The following SPTLC2 variants were observed in gnomAD, a reference collection of about 807,000 sequenced individuals.
The protein encoded by SPTLC2 is serine palmitoyltransferase long chain base subunit 2.
Under a neutral mutation model 62.0 loss-of-function variants are expected in SPTLC2, and 21 were observed. The observed-to-expected ratio is 0.34, with a 90% CI of 0.24 to 0.49. SPTLC2 has a LOEUF of 0.49. Ranked by LOEUF, SPTLC2 falls within the 20% of genes least tolerant of loss-of-function variation. The probability of loss-of-function intolerance (pLI) is 0.99; values close to 1 mark genes in which losing one functional copy is unlikely to be tolerated. For synonymous variants in SPTLC2, 261 were observed against 261.8 expected, an observed-to-expected ratio of 1.00 and a Z score of 0.03; for missense variants, 511 against 713.0, an observed-to-expected ratio of 0.72 and a Z score of 3.23.
At chr14:77,606,097 C>A (rs1013143858) in intron 1 of SPTLC2, among the ~76,000 whole-genome samples, 1 of 152,180 alleles carries the variant, frequency 6.6e-6, no homozygotes, top group Non-Finnish European at 1.5e-5. Flanking sequence ...TTTGGGAGGC[C>A]GAGGCAGGCT....
chr14:77,528,037 G>C (rs1331489748), intron 9 of SPTLC2, among the ~76,000 whole-genome samples: 2 of 152,184 alleles, frequency 1.3e-5, no homozygotes, highest in African/African-American at 4.8e-5. Context: ...TTCAGCCAGA[G>C]TTGATCTCCT....
chr14:77,587,759 AAATAATAAT>A (rs59005485), intron 2 of SPTLC2, among the ~76,000 whole-genome samples: 14 of 145,100 alleles, frequency 9.6e-5, no homozygotes, highest in African/African-American at 3.3e-4. Context: ...CTCTGTCTCA[AAATAATAAT>A]AATAATAATA....
chr14:77,562,739 C>T lies in SPTLC2; in HGVS notation c.757-250G>A, dbSNP rs926115. 0.96 allele frequency among the ~76,000 whole-genome samples: 146,377 copies of T among 152,326 alleles called. 70,600 individuals carry two copies. The highest frequency in any genetic ancestry group is 1 in the Middle Eastern group (294 of 294). On this transcript the variant is annotated intron_variant, in intron 5 of 11. Coordinates refer to ENST00000216484, the MANE Select transcript of SPTLC2 (RefSeq NM_004863.4). ...TTCAGTCCCATGACTGATGTAAATA[C>T]TCAGATATATGGCAACAGGTCTTTA...
chr14:77,589,977 CAAAA>C (rs760780304), intron 2 of SPTLC2, among the ~76,000 whole-genome samples: 7 of 120,696 alleles, frequency 5.8e-5, no homozygotes, highest in East Asian at 2.5e-4. Flanking sequence ...GACCCTGTCT[CAAAA>C]AAAAAAAAAA....
At chr14:77,527,279 G>C (rs936066116) in intron 9 of SPTLC2, among the ~76,000 whole-genome samples, 3 of 152,078 alleles carry the variant, frequency 2.0e-5, no homozygotes, top group East Asian at 3.9e-4. Flanking sequence ...TGTATTTTTA[G>C]TAGAGACAGG....
At chr14:77,559,231 G>A (rs1480274376) in intron 6 of SPTLC2, among the ~76,000 whole-genome samples, 2 of 152,040 alleles carry the variant, frequency 1.3e-5, no homozygotes, top group African/African-American at 2.4e-5. Flanking sequence ...GCTGAGACAT[G>A]AGAATCGCTT....
At chr14:77,584,990 G>A (rs1052266229) in intron 2 of SPTLC2, among the ~76,000 whole-genome samples, 28 of 152,330 alleles carry the variant, frequency 1.8e-4, no homozygotes, top group African/African-American at 2.4e-4. Context: ...GCACCAGCGC[G>A]ATTCTATGTG....
intron 6 of SPTLC2, among the ~76,000 whole-genome samples, chr14:77,558,084 G>A (rs1315591587): frequency 1.3e-5 from 2 of 148,174 alleles, no homozygotes; most frequent in African/African-American, 2.5e-5. Context: ...GTCTCCCTCT[G>A]TCATCCAAGC....
intron 1 of SPTLC2, among the ~76,000 whole-genome samples, chr14:77,608,319 T>C (rs887554041): frequency 5.3e-5 from 8 of 152,234 alleles, no homozygotes; most frequent in Non-Finnish European, 1.0e-4. Context: ...CATTTCTTAC[T>C]TATGTCTGTA....
chr14:77,576,661 A>G, intron 4 of SPTLC2, 106 bp downstream of exon 4: 1 of 1,479,858 alleles, frequency 6.8e-7, no homozygotes, highest in Non-Finnish European at 9.4e-7. Flanking sequence ...TCTAAATGAC[A>G]TGACAAAGTG....
At chr14:77,543,323 T>C (rs1158445800) in intron 9 of SPTLC2, among the ~76,000 whole-genome samples, 1 of 152,118 alleles carries the variant, frequency 6.6e-6, no homozygotes, top group Non-Finnish European at 1.5e-5. Context: ...AAAGTCTTAA[T>C]GGACCATTCT....
intron 2 of SPTLC2, among the ~76,000 whole-genome samples, chr14:77,591,670 G>T (rs960371368): frequency 6.7e-6 from 1 of 148,418 alleles, no homozygotes; most frequent in African/African-American, 2.5e-5. Context: ...AGATGATTCT[G>T]GGGGAGCTAA....
At chr14:77,528,980 C>T (rs914152411) in intron 9 of SPTLC2, among the ~76,000 whole-genome samples, 9 of 151,952 alleles carry the variant, frequency 5.9e-5, no homozygotes, top group East Asian at 1.9e-4. Flanking sequence ...AGCTTACAGG[C>T]GCCCGCCACC....
chr14:77,560,850 G>T (rs1020269157), intron 6 of SPTLC2, among the ~76,000 whole-genome samples: 1 of 151,570 alleles, frequency 6.6e-6, no homozygotes, highest in Non-Finnish European at 1.5e-5. Context: ...AGACACTGGG[G>T]TCTACTTGAG....
intron 9 of SPTLC2, among the ~76,000 whole-genome samples, chr14:77,532,697 T>C (rs1369308989): frequency 6.6e-6 from 1 of 151,910 alleles, no homozygotes; most frequent in Non-Finnish European, 1.5e-5. Flanking sequence ...GGCAGGAGAA[T>C]GGTGTGAACC....
chr14:77,556,238 G>A (rs576562391), intron 7 of SPTLC2, among the ~76,000 whole-genome samples: 8 of 152,140 alleles, frequency 5.3e-5, no homozygotes, highest in African/African-American at 1.7e-4. Flanking sequence ...CAGGAGAACC[G>A]GGAAGCGGAG....
intron 9 of SPTLC2, among the ~76,000 whole-genome samples, chr14:77,545,650 G>A (rs1451449104): frequency 1.3e-5 from 2 of 152,094 alleles, no homozygotes; most frequent in Admixed American, 6.6e-5. Flanking sequence ...ATAAAGTTGG[G>A]GAACAGCTAG....
At chr14:77,611,976 A>T (rs373300368) in intron 1 of SPTLC2, among the ~76,000 whole-genome samples, 44 of 152,372 alleles carry the variant, frequency 2.9e-4, no homozygotes, top group African/African-American at 1.0e-3. Context: ...AGTCTTAAAG[A>T]CAAACTTAAG....
At chr14:77,590,986 C>A (rs905330848) in intron 2 of SPTLC2, among the ~76,000 whole-genome samples, 1 of 152,068 alleles carries the variant, frequency 6.6e-6, no homozygotes, top group African/African-American at 2.4e-5. Context: ...CAGAGGTAAA[C>A]CTACTGCCAC....
Sources: allele counts gnomAD v4.1 joint callset (sites outside exome capture counted in the v4.1 genomes callset), GRCh38; gene constraint gnomAD v4.1.1; transcripts MANE v1.5; gene names NCBI Gene and HGNC (gene_info 2026-07-23, HGNC 2026-07-21).